The following MTM1 variants were observed in gnomAD, a reference collection of about 807,000 sequenced individuals.
The protein encoded by MTM1 is myotubularin.
A neutral mutation model predicts 52.1 loss-of-function variants in MTM1; 9 were observed. The observed-to-expected ratio is 0.17, with a 90% CI of 0.10 to 0.30. The LOEUF is 0.30. Among genes scored for constraint, MTM1 ranks in the 10% least tolerant of loss-of-function variants. The probability of loss-of-function intolerance (pLI) is 1.00; values close to 1 mark genes in which losing one functional copy is unlikely to be tolerated. For missense variants in MTM1, 277 were observed against 470.7 expected, an observed-to-expected ratio of 0.59 and a Z score of 3.81; for synonymous variants, 136 against 163.8, an observed-to-expected ratio of 0.83 and a Z score of 1.29.
rs147059148 is a variant in MTM1 at position 150,580,669 on chromosome X, T to A, written c.-10-11936T>A. Reference sequence around the variant, plus strand: ...ATACGTGGTTGTTTGTATTTGTGACTGGAAGAAGTAACTGCTCCAAGTATG... The same window carrying A: ...ATACGTGGTTGTTTGTATTTGTGACAGGAAGAAGTAACTGCTCCAAGTATG... On this transcript the variant is annotated intron_variant, in intron 1 of 14. Transcript: ENST00000370396. Among the ~76,000 whole-genome samples the A allele has an allele frequency of 6.0e-3, 670 of 111,723 alleles. 5 individuals are homozygous for A. Among genetic ancestry groups the A allele is most frequent in the African/African-American group, 0.021 (642 of 30,727 alleles).
intron 1 of MTM1, among the ~76,000 whole-genome samples, chrX:150,578,939 T>C (rs2038523302): frequency 9.0e-6 from 1 of 110,724 alleles, no homozygotes; most frequent in South Asian, 3.9e-4. Flanking sequence ...AGGGATTTCA[T>C]TGACTTTGTA....
In MTM1 at chrX:150,598,622, A is replaced by G; in HGVS notation, c.167A>G (p.Asn56Ser). ...DKEVIYICPF[N>S]GPIKGRVYIT... is the part of the protein sequence containing the mutation. ...GAAGTTATTTACATATGTCCTTTCA[A>G]TGGCCCCATTAAGGGAAGAGTTTAC... Residue 56 changes from asparagine (N) to serine (S), a missense_variant, in exon 4 of 15, where the codon AAT (asparagine) becomes AGT (serine). Around this residue, in one of 4 missense-constraint regions of MTM1, gnomAD observed 164 missense variants for 283.3 expected, o/e 0.58. Coordinates refer to ENST00000370396, the MANE Select transcript of MTM1 (RefSeq NM_000252.3). The G allele has an allele frequency of 1.7e-6, 2 of 1,200,355 alleles. No homozygotes were observed. Among genetic ancestry groups the G allele is most frequent in the Non-Finnish European group, 2.3e-6 (2 of 885,823 alleles).
In MTM1 at chrX:150,614,652, G is replaced by A. The variant is rs782527127; in HGVS notation, c.295G>A (p.Ala99Thr). 7.5e-6 allele frequency: 9 copies of A among 1,196,053 alleles called. No individual in the cohort carries two copies. Among genetic ancestry groups the A allele is most frequent in the Admixed American group, 2.2e-5 (1 of 45,558 alleles). Residue 99 changes from alanine (A) to threonine (T), a missense_variant, in exon 5 of 15, where the codon GCG becomes ACG. Physicochemically the swap from Ala to Thr is moderately conservative, Grantham distance 58. Transcript: ENST00000370396. Reference sequence around the variant, plus strand: ...CTCGAGAATTGAAAAAATGGGAGGCGCGACAAGTAGAGGAGAAAATTCCTA... The same window carrying A: ...CTCGAGAATTGAAAAAATGGGAGGCACGACAAGTAGAGGAGAAAATTCCTA... Reference protein sequence around the residue: ...VISRIEKMGGATSRGENSYGL... With the variant: ...VISRIEKMGGTTSRGENSYGL...
chrX:150,629,655 T>C (rs2039630773), intron 6 of MTM1, among the ~76,000 whole-genome samples: 2 of 112,907 alleles, frequency 1.8e-5, no homozygotes, highest in South Asian at 7.3e-4. Context: ...AATGAGAATA[T>C]TCTGCTTTTT....
At chrX:150,642,086 GTT>G (rs34828694) in intron 8 of MTM1, among the ~76,000 whole-genome samples, 1 of 106,950 alleles carries the variant, frequency 9.4e-6, no homozygotes, top group African/African-American at 3.4e-5. Flanking sequence ...GTACCTTGGG[GTT>G]TTTTTTTTCC....
At chrX:150,564,555 G>A (rs2038239765), upstream of MTM1, among the ~76,000 whole-genome samples, 2 of 110,697 alleles carry the variant, frequency 1.8e-5, no homozygotes. Flanking sequence ...GCTATTTTTT[G>A]TATTTTTAGT....
Position 150,671,420 on chromosome X carries a change from C to G in MTM1, c.1645-8C>G. On this transcript the variant is annotated splice_region_variant and splice_polypyrimidine_tract_variant and intron_variant, in intron 14 of 14. Coordinates refer to ENST00000370396, the MANE Select transcript of MTM1 (RefSeq NM_000252.3). The stretch of plus-strand genomic sequence containing the variant: ...TAAAGTGTAACTCAAGTCTCTGGTT[C>G]TCTCCAGCAGCCGAATCCAGTGGAG... 8.3e-7 allele frequency: 1 copy of G among 1,211,296 alleles called. No homozygotes were observed. Among genetic ancestry groups the G allele is most frequent in the South Asian group, 1.8e-5 (1 of 56,955 alleles).
At chrX:150,644,567 A>G (rs1451577192) in intron 8 of MTM1, among the ~76,000 whole-genome samples, 1 of 111,982 alleles carries the variant, frequency 8.9e-6, no homozygotes, top group Non-Finnish European at 1.9e-5. Context: ...CTTCAGAGAC[A>G]TCAGGGAATT....
At chrX:150,619,224 T>C in intron 6 of MTM1, 85 bp downstream of exon 6, 1 of 669,531 alleles carries the variant, frequency 1.5e-6, no homozygotes. Flanking sequence ...TCCTCTTTCT[T>C]TTAATGTCTG....
At position 150,662,287 on chromosome X, in the gene MTM1, G is replaced by A. The variant is rs190170824; in HGVS notation, c.1468-1146G>A. ...CAGAGAAAGGCAAAATTATGCTGTC[G>A]TTATTCATGAAATGAAATACATATG... On this transcript the variant is annotated intron_variant, in intron 13 of 14. Coordinates refer to ENST00000370396, the MANE Select transcript of MTM1 (RefSeq NM_000252.3). Among the ~76,000 whole-genome samples, 85 of 112,309 alleles carry A rather than the reference G, an allele frequency of 7.6e-4. 1 individual carries two copies. Among genetic ancestry groups the A allele is most frequent in the African/African-American group, 2.5e-3 (78 of 30,954 alleles).
intron 11 of MTM1, among the ~76,000 whole-genome samples, chrX:150,659,047 G>A (rs782441231): frequency 1.7e-4 from 19 of 111,305 alleles, no homozygotes; most frequent in Admixed American, 3.8e-4. Flanking sequence ...TAGAAATGGC[G>A]TTTCACCATG....
In MTM1 at chrX:150,587,170, C is replaced by T. The variant is rs781994337; in HGVS notation, c.-10-5435C>T. Among the ~76,000 whole-genome samples, 47 of 110,188 alleles carry T rather than the reference C, an allele frequency of 4.3e-4. 1 individual carries two copies. The highest frequency in any genetic ancestry group is 1.3e-3 in the African/African-American group (40 of 30,175). On this transcript the variant is annotated intron_variant, in intron 1 of 14. Coordinates refer to ENST00000370396, the MANE Select transcript of MTM1 (RefSeq NM_000252.3). ...TGTATCACACTGTTTTGTAGGTGGG[C>T]GCATAGTGGCATTTTGACAAGCTCT...
chrX:150,624,730 G>T (rs1007726108), intron 6 of MTM1, among the ~76,000 whole-genome samples: 21 of 111,737 alleles, frequency 1.9e-4, no homozygotes, highest in African/African-American at 6.5e-4. Flanking sequence ...ATTTCTCTCC[G>T]GTGTATGTGT....
chrX:150,602,691 A>G (rs1214348500), intron 4 of MTM1, among the ~76,000 whole-genome samples: 1 of 112,141 alleles, frequency 8.9e-6, no homozygotes, highest in Non-Finnish European at 1.9e-5. Flanking sequence ...AGTAGGGCCT[A>G]CTGTAGGTAG....
At chrX:150,643,122 G>A (rs2039875505) in intron 8 of MTM1, among the ~76,000 whole-genome samples, 1 of 111,346 alleles carries the variant, frequency 9.0e-6, no homozygotes, top group African/African-American at 3.3e-5. Flanking sequence ...TGTTGGCTAA[G>A]TCTCAGAGCT....
intron 1 of MTM1, among the ~76,000 whole-genome samples, chrX:150,586,520 T>G (rs1345617505): frequency 9.0e-6 from 1 of 111,088 alleles, no homozygotes; most frequent in Non-Finnish European, 1.9e-5. Flanking sequence ...TTGATCATCT[T>G]AGAAAACCTG....
intron 2 of MTM1, among the ~76,000 whole-genome samples, chrX:150,596,116 C>T (rs1389544051): frequency 8.9e-6 from 1 of 111,807 alleles, no homozygotes; most frequent in African/African-American, 3.3e-5. Flanking sequence ...AGTTTTCCTT[C>T]CTACTCTTCC....
intron 1 of MTM1, among the ~76,000 whole-genome samples, chrX:150,574,748 A>G (rs2038439561): frequency 8.9e-6 from 1 of 112,047 alleles, no homozygotes; most frequent in Middle Eastern, 4.6e-3. Flanking sequence ...GGAGAGATAC[A>G]TTTGGTCTTG....
At position 150,668,735 on chromosome X, in the gene MTM1, C is replaced by T. The variant is rs782495207; in HGVS notation, c.1645-2693C>T. On this transcript the variant is annotated intron_variant, in intron 14 of 14. Transcript: ENST00000370396. ...TGTCTCTTTAAAAAAAAAACAGAAACGTAATACTAAACCGCAGCATTCTTC... is the reference window on the plus strand; with the variant it reads ...TGTCTCTTTAAAAAAAAAACAGAAATGTAATACTAAACCGCAGCATTCTTC... Among the ~76,000 whole-genome samples the T allele has an allele frequency of 9.1e-5, 10 of 110,022 alleles. No homozygotes were observed. The East Asian group carries it at 1.7e-3, about 19-fold the overall frequency.
Sources: gnomAD v4.1 joint callset for allele counts (sites outside exome capture counted in the v4.1 genomes callset) on GRCh38, gnomAD v4.1.1 for gene constraint, gnomAD v4.1.1 regional missense constraint, MANE v1.5 for transcripts, NCBI Gene and HGNC (gene_info 2026-07-23, HGNC 2026-07-21) for gene names.